Variants in PTK2B observed in about 807,000 individuals in gnomAD.
PTK2B encodes the protein protein tyrosine kinase 2 beta.
PTK2B carries 71 observed loss-of-function variants against 142.9 expected under a neutral mutation model. The ratio of observed to expected loss-of-function variants is 0.50; its 90% CI spans 0.41 to 0.61. The LOEUF (loss-of-function observed/expected upper bound fraction) is 0.61, where lower values mean the gene tolerates loss of function less well. Ranked by LOEUF, PTK2B falls within the 20% of genes least tolerant of loss-of-function variation. The pLI is 0.00. For synonymous variants in PTK2B, 519 were observed against 503.4 expected, an observed-to-expected ratio of 1.03 and a Z score of -0.42; for missense variants, 1,105 against 1,320.4, an observed-to-expected ratio of 0.84 and a Z score of 2.53.
chr8:27,392,592 G>C lies in PTK2B; in HGVS notation c.-37-4956G>C, dbSNP rs143403293. 6.4e-3 allele frequency among the ~76,000 whole-genome samples: 975 copies of C among 152,234 alleles called. 8 individuals are homozygous for C. Among genetic ancestry groups the C allele is most frequent in the African/African-American group, 0.021 (888 of 41,534 alleles). ...GTAAAGTTACTTGCACAAGATTTTA[G>C]AGCCAGTCAGAAAATGAGCTGGGAG... On this transcript the variant is annotated intron_variant, in intron 1 of 30. Transcript: ENST00000346049.
At chr8:27,383,447 C>T (rs1039531162) in intron 1 of PTK2B, among the ~76,000 whole-genome samples, 4 of 152,086 alleles carry the variant, frequency 2.6e-5, no homozygotes, top group African/African-American at 9.6e-5. Flanking sequence ...GGTGTCACCA[C>T]GTTGGCCAGG....
rs376662112 is a variant in PTK2B, at chr8:27,454,109, C to T, written c.2596-45C>T. ...TGCCCAGGAAAGAATCATTCCGTGC[C>T]CCTGGCTCTCCCCAACTCACTGGCC... On this transcript the variant is annotated intron_variant, in intron 28 of 30. Transcript: ENST00000346049. 6.2e-6 allele frequency: 10 copies of T among 1,611,732 alleles called. No individual in the cohort carries two copies. The Admixed American group carries it at 1.3e-4, about 22-fold the overall frequency.
chr8:27,359,681 C>T (rs1805588030), intron 1 of PTK2B, among the ~76,000 whole-genome samples: 1 of 152,142 alleles, frequency 6.6e-6, no homozygotes, highest in Admixed American at 6.5e-5. Flanking sequence ...ATTAGAATTC[C>T]CACTGCATGT....
chr8:27,437,098 G>A (rs1212242248), intron 15 of PTK2B, 24 bp from the exon 16 acceptor site: 1 of 1,603,528 alleles, frequency 6.2e-7, no homozygotes, highest in Admixed American at 1.7e-5. Flanking sequence ...GGACCAAGGG[G>A]TCCTGAACAC....
At chr8:27,399,827 C>T (rs1808268021) in intron 2 of PTK2B, among the ~76,000 whole-genome samples, 1 of 152,184 alleles carries the variant, frequency 6.6e-6, no homozygotes, top group Non-Finnish European at 1.5e-5. Flanking sequence ...GACTTCTAGC[C>T]AAGTCCTGCT....
rs73570182 is a variant in PTK2B at position 27,420,111 on chromosome 8, G to A, written c.383+38G>A. On this transcript the variant is annotated intron_variant, in intron 3 of 30. Coordinates refer to ENST00000346049, the MANE Select transcript of PTK2B (RefSeq NM_173176.3). The stretch of plus-strand genomic sequence containing the variant: ...TCCTGGGCTCTGGAAGTGGGAAGGA[G>A]AGGAATTTAGGGTGGGGAGGCCCTG... 625 of 1,609,572 alleles carry A rather than the reference G, an allele frequency of 3.9e-4. 1 individual carries two copies. The African/African-American group carries it at 7.7e-3, about 20-fold the overall frequency.
intron 1 of PTK2B, among the ~76,000 whole-genome samples, chr8:27,366,088 G>A (rs564252852): frequency 2.0e-5 from 3 of 152,332 alleles, no homozygotes; most frequent in Non-Finnish European, 4.4e-5. Flanking sequence ...TGTCAAATAG[G>A]AGAAGGACCC....
At chr8:27,311,490 C>G in exon 1 of PTK2B, 2 of 551,520 alleles carry the variant, frequency 3.6e-6, no homozygotes, top group East Asian at 3.2e-5. Flanking sequence ...CCGCAGTTCC[C>G]GCCTCCTCAG....
chr8:27,312,607 G>A (rs1257978710), intron 2 of PTK2B, among the ~76,000 whole-genome samples: 1 of 152,142 alleles, frequency 6.6e-6, no homozygotes, highest in African/African-American at 2.4e-5. Flanking sequence ...TTGAAACTCA[G>A]AAAACAATAC....
In PTK2B at chr8:27,437,746, C is replaced by T. The variant is rs1217671737; in HGVS notation, c.1528-19C>T. 1 of 1,597,464 alleles carries T rather than the reference C, an allele frequency of 6.3e-7. No homozygotes were observed. The highest frequency in any genetic ancestry group is 8.5e-7 in the Non-Finnish European group (1 of 1,171,652). ...TGGGACCAACCAGGGGTCTTGATGG[C>T]ACCTCCCCATTCCTGCAGCTGGGCC... is the stretch of plus-strand genomic sequence containing the variant. On this transcript the variant is annotated intron_variant, in intron 17 of 30. Transcript: ENST00000346049.
intron 28 of PTK2B, among the ~76,000 whole-genome samples, chr8:27,453,773 C>G (rs1034618769): frequency 1.3e-5 from 2 of 152,164 alleles, no homozygotes; most frequent in African/African-American, 4.8e-5. Flanking sequence ...ACTCAGGAGA[C>G]TGAGGCAGGA....
intron 30 of PTK2B, among the ~76,000 whole-genome samples, chr8:27,458,053 G>A (rs1188300824): frequency 6.6e-6 from 1 of 151,866 alleles, no homozygotes; most frequent in Non-Finnish European, 1.5e-5. Flanking sequence ...TCCATGAAGG[G>A]ACGGTCAGGC....
chr8:27,349,455 G>T (rs908127792), intron 1 of PTK2B, among the ~76,000 whole-genome samples: 1 of 152,164 alleles, frequency 6.6e-6, no homozygotes, highest in Non-Finnish European at 1.5e-5. Flanking sequence ...CTGCCTCTTT[G>T]TTCTTCCTTT....
chr8:27,316,089 A>G (rs543412672), intron 3 of PTK2B, among the ~76,000 whole-genome samples: 1 of 152,306 alleles, frequency 6.6e-6, no homozygotes, highest in Admixed American at 6.5e-5. Flanking sequence ...AGTCCTATGT[A>G]TACTAGCTAA....
rs952124335 is a variant in PTK2B, at chr8:27,454,094, A to G, written c.2596-60A>G. ...GGCCACAGTGGTGCCTGCCCAGGAA[A>G]GAATCATTCCGTGCCCCTGGCTCTC... On this transcript the variant is annotated intron_variant, in intron 28 of 30. Transcript: ENST00000346049. 5 of 1,603,336 alleles carry G rather than the reference A, an allele frequency of 3.1e-6. No individual in the cohort carries two copies. The Admixed American group carries it at 5.1e-5, about 17-fold the overall frequency.
chr8:27,434,224 GT>G, intron 12 of PTK2B, 92 bp downstream of exon 12: 1 of 1,486,566 alleles, frequency 6.7e-7, no homozygotes, highest in Middle Eastern at 1.8e-4. Context: ...CACCTCCATA[GT>G]TTCTGGCTTT....
chr8:27,438,486 C>T (rs1810941034), intron 18 of PTK2B, among the ~76,000 whole-genome samples: 2 of 4,932 alleles, frequency 4.1e-4, no homozygotes, highest in African/African-American at 6.8e-3. Context: ...GTGAAGCTCT[C>T]ATGCGATCCT....
chr8:27,436,490 A>G, intron 15 of PTK2B, 142 bp downstream of exon 15: 1 of 689,574 alleles, frequency 1.5e-6, no homozygotes. Context: ...TCCACTGGGC[A>G]TGGTGGTATT....
intron 1 of PTK2B, among the ~76,000 whole-genome samples, chr8:27,371,578 C>T (rs1806363477): frequency 1.3e-5 from 2 of 151,290 alleles, no homozygotes; most frequent in African/African-American, 4.9e-5. Context: ...GACAGAGTCT[C>T]ACTCTGTCAT....
Sources: allele counts gnomAD v4.1 joint callset (sites outside exome capture counted in the v4.1 genomes callset), GRCh38; gene constraint gnomAD v4.1.1; transcripts MANE v1.5; gene names NCBI Gene and HGNC (gene_info 2026-07-23, HGNC 2026-07-21).